Variants in KCNH7 observed in about 807,000 individuals in gnomAD.
The protein encoded by KCNH7 is voltage-gated inwardly rectifying potassium channel KCNH7.
A neutral mutation model predicts 120.8 loss-of-function variants in KCNH7; 49 were observed. The ratio of observed to expected loss-of-function variants is 0.41; its 90% confidence interval spans 0.32 to 0.51. KCNH7 has a LOEUF of 0.51. KCNH7 is among the 20% of genes least tolerant of loss of function. KCNH7 has a pLI of 0.38. For synonymous variants in KCNH7, 547 were observed against 516.1 expected (o/e 1.06, Z -0.81); for missense variants, 1,097 against 1,446.6 (o/e 0.76, Z 3.92).
At chr2:162,611,277 ACAGGC>A (rs1350417292) in intron 2 of KCNH7, among the ~76,000 whole-genome samples, 1 of 152,138 alleles carries the variant, frequency 6.6e-6, no homozygotes, top group Admixed American at 6.5e-5. Context: ...CTTGAATTAC[ACAGGC>A]CTTATTCATT....
At chr2:162,509,818 T>C (rs1691005885) in intron 5 of KCNH7, among the ~76,000 whole-genome samples, 1 of 151,546 alleles carries the variant, frequency 6.6e-6, no homozygotes, top group African/African-American at 2.4e-5. Context: ...ACCTTGAAAG[T>C]AGTTTTACTT....
chr2:162,712,277 T>TC (rs1559094806), intron 2 of KCNH7, among the ~76,000 whole-genome samples: 1 of 152,078 alleles, frequency 6.6e-6, no homozygotes, highest in Non-Finnish European at 1.5e-5. Flanking sequence ...GTTTTTTTTT[T>TC]CTCTGCAGTT....
intron 2 of KCNH7, among the ~76,000 whole-genome samples, chr2:162,543,659 T>C (rs1004133946): frequency 6.6e-6 from 1 of 152,102 alleles, no homozygotes; most frequent in African/African-American, 2.4e-5. Context: ...GTGTAGCCCC[T>C]AGAATTGGAC....
chr2:162,500,409 A>G (rs115435522), intron 6 of KCNH7, among the ~76,000 whole-genome samples: 5 of 149,370 alleles, frequency 3.3e-5, no homozygotes, highest in Admixed American at 6.7e-5. Context: ...CATGCTTTTG[A>G]ATGAATAAAC....
At chr2:162,765,861 A>G (rs1010499568) in intron 2 of KCNH7, among the ~76,000 whole-genome samples, 16 of 152,052 alleles carry the variant, frequency 1.1e-4, no homozygotes, top group African/African-American at 3.1e-4. Flanking sequence ...TTGGGCTCAA[A>G]TGATCCTCCG....
At chr2:162,690,163 A>T (rs1316674256) in intron 2 of KCNH7, among the ~76,000 whole-genome samples, 1 of 152,254 alleles carries the variant, frequency 6.6e-6, no homozygotes, top group South Asian at 2.1e-4. Flanking sequence ...CTCACTTATA[A>T]GTGGGAGCTA....
At chr2:162,624,727 C>T (rs1683486833) in intron 2 of KCNH7, among the ~76,000 whole-genome samples, 1 of 151,914 alleles carries the variant, frequency 6.6e-6, no homozygotes, top group Non-Finnish European at 1.5e-5. Flanking sequence ...TTTTTAGTAA[C>T]TCCTTACATG....
intron 11 of KCNH7, among the ~76,000 whole-genome samples, chr2:162,395,316 A>G (rs1686879470): frequency 6.6e-6 from 1 of 151,922 alleles, no homozygotes; most frequent in South Asian, 2.1e-4. Context: ...AATGTGTAAA[A>G]TAGTTAAAAT....
chr2:162,398,527 C>A (rs190990401), intron 10 of KCNH7, among the ~76,000 whole-genome samples: 1 of 151,890 alleles, frequency 6.6e-6, no homozygotes, highest in East Asian at 1.9e-4. Context: ...TCCTGACATT[C>A]TTTATAGTTT....
intron 6 of KCNH7, among the ~76,000 whole-genome samples, chr2:162,463,554 C>T (rs1173635267): frequency 2.0e-5 from 3 of 151,866 alleles, no homozygotes; most frequent in African/African-American, 7.2e-5. Context: ...TGCATTGCTG[C>T]CCATATAGTA....
intron 2 of KCNH7, among the ~76,000 whole-genome samples, chr2:162,638,179 C>A (rs1386957307): frequency 1.3e-5 from 2 of 152,024 alleles, no homozygotes; most frequent in Non-Finnish European, 2.9e-5. Flanking sequence ...AAGGATTGTG[C>A]TATAAAAGTG....
At chr2:162,476,532 T>G (rs2105664841) in intron 6 of KCNH7, among the ~76,000 whole-genome samples, 1 of 152,332 alleles carries the variant, frequency 6.6e-6, no homozygotes, top group South Asian at 2.1e-4. Flanking sequence ...CTGAAACTAA[T>G]GAAATTTTCT....
At chr2:162,471,287 C>T (rs1369545487) in intron 6 of KCNH7, among the ~76,000 whole-genome samples, 10 of 151,632 alleles carry the variant, frequency 6.6e-5, no homozygotes, top group African/African-American at 1.9e-4. Context: ...GCTCTTTGCC[C>T]TCTGAGACTA....
chr2:162,512,540 G>T, intron 5 of KCNH7, 114 bp downstream of exon 5: 1 of 850,402 alleles, frequency 1.2e-6, no homozygotes, highest in Non-Finnish European at 1.9e-6. Flanking sequence ...ACCCCAAATA[G>T]CTAAGGGCAG....
intron 2 of KCNH7, among the ~76,000 whole-genome samples, chr2:162,724,476 T>A (rs938153995): frequency 7.3e-5 from 11 of 151,458 alleles, no homozygotes; most frequent in Middle Eastern, 3.4e-3. Flanking sequence ...ATTGAGACCA[T>A]CCCGGCTAAA....
chr2:162,502,709 T>A (rs1318051088), intron 6 of KCNH7, among the ~76,000 whole-genome samples: 1 of 149,738 alleles, frequency 6.7e-6, no homozygotes, highest in Non-Finnish European at 1.5e-5. Context: ...TATTGATATT[T>A]ATATATATGC....
intron 2 of KCNH7, among the ~76,000 whole-genome samples, chr2:162,701,612 C>T (rs17330228): frequency 0.03 from 4,607 of 152,242 alleles, 96 homozygotes; most frequent in Non-Finnish European, 0.043. Context: ...AAATTGTAAT[C>T]TCTTAACACC....
intron 12 of KCNH7, among the ~76,000 whole-genome samples, chr2:162,390,359 T>C (rs1686709838): frequency 2.0e-5 from 3 of 151,688 alleles, no homozygotes; most frequent in South Asian, 4.1e-4. Flanking sequence ...TTTACAAATA[T>C]ACCCTGTATA....
chr2:162,790,441 T>A (rs1008657379), intron 2 of KCNH7, among the ~76,000 whole-genome samples: 9 of 151,882 alleles, frequency 5.9e-5, no homozygotes, highest in African/African-American at 1.9e-4. Flanking sequence ...CTTCTCAAAC[T>A]CTTCCAAAAA....
Sources: gnomAD v4.1 joint callset for allele counts (sites outside exome capture counted in the v4.1 genomes callset) on GRCh38, gnomAD v4.1.1 for gene constraint, MANE v1.5 for transcripts, NCBI Gene and HGNC (gene_info 2026-07-23, HGNC 2026-07-21) for gene names.